MYRIP: variants seen among roughly 807,000 people sequenced by gnomAD.
The protein encoded by MYRIP is rab effector MyRIP.
MYRIP carries 49 observed loss-of-function variants against 98.0 expected under a neutral mutation model. The ratio of observed to expected loss-of-function variants is 0.50; its 90% CI spans 0.40 to 0.63. MYRIP has a LOEUF of 0.63. Ranked by LOEUF, MYRIP falls within the 30% of genes least tolerant of loss-of-function variation. The probability of loss-of-function intolerance (pLI) is 0.00; values close to 1 mark genes in which losing one functional copy is unlikely to be tolerated. For missense variants in MYRIP, 1,004 were observed against 1,058.2 expected, an observed-to-expected ratio of 0.95 and a Z score of 0.71; for synonymous variants, 404 against 409.5, an observed-to-expected ratio of 0.99 and a Z score of 0.16.
chr3:40,161,402 C>T, intron 4 of MYRIP, among the ~76,000 whole-genome samples: 1 of 152,158 alleles, frequency 6.6e-6, no homozygotes, highest in East Asian at 1.9e-4. Context: ...TTATGTTTCC[C>T]ACGACCCTCC....
chr3:40,149,929 C>T (rs1294894025), intron 3 of MYRIP, among the ~76,000 whole-genome samples: 1 of 151,994 alleles, frequency 6.6e-6, no homozygotes, highest in Non-Finnish European at 1.5e-5. Flanking sequence ...AATTGGAAGC[C>T]TTTATATTCT....
intron 3 of MYRIP, among the ~76,000 whole-genome samples, chr3:40,149,243 G>A (rs1034152230): frequency 6.6e-6 from 1 of 152,284 alleles, no homozygotes; most frequent in East Asian, 1.9e-4. Flanking sequence ...GTCACATGGT[G>A]AGAGAGGGAG....
chr3:40,248,779 G>T (rs1457895982), intron 13 of MYRIP, among the ~76,000 whole-genome samples: 1 of 152,214 alleles, frequency 6.6e-6, no homozygotes, highest in Non-Finnish European at 1.5e-5. Context: ...TCAGAGGCTT[G>T]TGTAATTTGT....
intron 1 of MYRIP, among the ~76,000 whole-genome samples, chr3:39,812,392 A>G (rs1316355553): frequency 6.6e-6 from 1 of 152,218 alleles, no homozygotes; most frequent in Non-Finnish European, 1.5e-5. Flanking sequence ...GAAAAATAGA[A>G]GGAATAATTT....
At chr3:40,221,354 G>C (rs1952332305) in intron 11 of MYRIP, among the ~76,000 whole-genome samples, 1 of 152,120 alleles carries the variant, frequency 6.6e-6, no homozygotes, top group South Asian at 2.1e-4. Flanking sequence ...TTAAAAAGAA[G>C]GATAATTGGT....
intron 1 of MYRIP, among the ~76,000 whole-genome samples, chr3:39,868,618 C>G (rs542884938): frequency 6.6e-6 from 1 of 152,058 alleles, no homozygotes; most frequent in Admixed American, 6.6e-5. Context: ...TCTTTTATTT[C>G]CTGTATTCTG....
rs146760347 is a variant in MYRIP at position 39,895,482 on chromosome 3, C to T, written c.-30-5305C>T. Among the ~76,000 whole-genome samples, 129 of 152,036 alleles carry T rather than the reference C, an allele frequency of 8.5e-4. 2 individuals are homozygous for T. The highest frequency in any genetic ancestry group is 3.5e-4 in the Non-Finnish European group (24 of 68,004). ...AATTACAAGTGTGAGCCACTGTGCC[C>T]GGCCAATTGTTGCTTGCCTTTTAAT... On this transcript the variant is annotated intron_variant, in intron 1 of 16. Transcript: ENST00000302541.
At chr3:40,133,751 G>T (rs1355683416) in intron 3 of MYRIP, among the ~76,000 whole-genome samples, 1 of 152,112 alleles carries the variant, frequency 6.6e-6, no homozygotes, top group Non-Finnish European at 1.5e-5. Flanking sequence ...GGGAAAAAAT[G>T]TATGTTTTGA....
intron 2 of MYRIP, among the ~76,000 whole-genome samples, chr3:39,948,893 T>C (rs1944953183): frequency 1.3e-5 from 2 of 152,038 alleles, no homozygotes. Context: ...ACAGAAGATC[T>C]CAAAAGCAGC....
At position 40,166,842 on chromosome 3, in the gene MYRIP, C is replaced by G; in HGVS notation, c.551-4C>G. On this transcript the variant is annotated splice_polypyrimidine_tract_variant and splice_region_variant and intron_variant, in intron 5 of 16. Coordinates refer to ENST00000302541, the MANE Select transcript of MYRIP (RefSeq NM_015460.4). ...AAATGCTCTTTGTTCTGTTTCCTGT[C>G]TAGGACATAGTGTGATGGACACCTT... 1 of 1,595,592 alleles carries G rather than the reference C, an allele frequency of 6.3e-7. No individual in the cohort carries two copies. The highest frequency in any genetic ancestry group is 8.6e-7 in the Non-Finnish European group (1 of 1,163,340).
At chr3:40,073,229 G>T (rs189444152) in intron 3 of MYRIP, among the ~76,000 whole-genome samples, 1 of 152,278 alleles carries the variant, frequency 6.6e-6, no homozygotes, top group African/African-American at 2.4e-5. Flanking sequence ...CTGTCTTCTT[G>T]GAGGAAAGGA....
intron 1 of MYRIP, among the ~76,000 whole-genome samples, chr3:39,861,353 A>C (rs1477036861): frequency 6.6e-6 from 1 of 152,222 alleles, no homozygotes; most frequent in Non-Finnish European, 1.5e-5. Flanking sequence ...AAAGGACAGC[A>C]AATTCAAAGA....
intron 2 of MYRIP, among the ~76,000 whole-genome samples, chr3:39,940,000 G>A (rs1245179228): frequency 6.6e-6 from 1 of 152,006 alleles, no homozygotes; most frequent in Non-Finnish European, 1.5e-5. Flanking sequence ...ATTCTTATTA[G>A]ACACCTGTTT....
chr3:40,049,632 CAA>C (rs780122549), intron 3 of MYRIP, among the ~76,000 whole-genome samples: 2 of 137,662 alleles, frequency 1.5e-5, no homozygotes, highest in Admixed American at 7.3e-5. Flanking sequence ...TCTAAGTGTT[CAA>C]AAAAAAAAAG....
intron 3 of MYRIP, among the ~76,000 whole-genome samples, chr3:40,116,459 T>C (rs1363656339): frequency 1.3e-5 from 2 of 152,190 alleles, no homozygotes; most frequent in Non-Finnish European, 2.9e-5. Context: ...TATTTATGTA[T>C]TTGTTTATCT....
chr3:39,984,086 T>G (rs924739338), intron 2 of MYRIP, among the ~76,000 whole-genome samples: 4 of 152,138 alleles, frequency 2.6e-5, no homozygotes, highest in Non-Finnish European at 1.5e-5. Flanking sequence ...CTTCCCAATC[T>G]GGGGACTGGG....
At chr3:39,937,131 G>C (rs1023821166) in intron 2 of MYRIP, among the ~76,000 whole-genome samples, 1 of 152,098 alleles carries the variant, frequency 6.6e-6, no homozygotes, top group Non-Finnish European at 1.5e-5. Flanking sequence ...TTCAGTCCAG[G>C]TCTCTTGCTG....
chr3:40,206,555 C>G (rs983368277), intron 10 of MYRIP, among the ~76,000 whole-genome samples: 1 of 152,168 alleles, frequency 6.6e-6, no homozygotes, highest in African/African-American at 2.4e-5. Flanking sequence ...ATTCCCCTTC[C>G]TGACAATATC....
intron 2 of MYRIP, among the ~76,000 whole-genome samples, chr3:39,960,252 G>T (rs749943831): frequency 6.6e-6 from 1 of 152,002 alleles, no homozygotes; most frequent in Non-Finnish European, 1.5e-5. Context: ...TCTGTTTATA[G>T]TGTCAGTCCC....
Sources: allele counts gnomAD v4.1 joint callset (sites outside exome capture counted in the v4.1 genomes callset), GRCh38; gene constraint gnomAD v4.1.1; transcripts MANE v1.5; gene names NCBI Gene and HGNC (gene_info 2026-07-23, HGNC 2026-07-21).